SEMA3C: variants seen among roughly 807,000 people sequenced by gnomAD.
SEMA3C encodes the protein semaphorin-3C.
A neutral mutation model predicts 89.4 loss-of-function variants in SEMA3C; 47 were observed. The ratio of observed to expected loss-of-function variants is 0.53; its 90% confidence interval spans 0.42 to 0.67. SEMA3C has a LOEUF of 0.67. Among genes scored for constraint, SEMA3C ranks in the 30% least tolerant of loss-of-function variants. The pLI is 0.00. For synonymous variants in SEMA3C, 310 were observed against 320.2 expected (o/e 0.97, Z 0.34); for missense variants, 839 against 929.1 (o/e 0.90, Z 1.26).
At chr7:80,881,164 AACACACACACACACACACACACAC>A (rs71802410) in intron 2 of SEMA3C, among the ~76,000 whole-genome samples, 1 of 135,432 alleles carries the variant, frequency 7.4e-6, no homozygotes, top group Non-Finnish European at 1.6e-5. Flanking sequence ...TGGAGAAAGA[AACACACACACACACACACACACAC>A]ACACACACAC....
intron 2 of SEMA3C, among the ~76,000 whole-genome samples, chr7:80,879,322 G>A (rs2116089727): frequency 6.6e-6 from 1 of 152,288 alleles, no homozygotes; most frequent in Non-Finnish European, 1.5e-5. Context: ...ATAAGTGATG[G>A]AACAAAGTTC....
chr7:80,904,466 CAG>C (rs1397609476), intron 2 of SEMA3C, among the ~76,000 whole-genome samples: 41 of 152,300 alleles, frequency 2.7e-4, no homozygotes, highest in African/African-American at 8.9e-4. Context: ...ACATTCCACA[CAG>C]AGTAAGTGAA....
intron 2 of SEMA3C, among the ~76,000 whole-genome samples, chr7:80,890,644 T>C (rs1206318929): frequency 6.6e-6 from 1 of 152,136 alleles, no homozygotes; most frequent in African/African-American, 2.4e-5. Flanking sequence ...CATGATAAAC[T>C]ACAAAGTTCA....
At chr7:80,774,271 A>G (rs984216825) in intron 12 of SEMA3C, among the ~76,000 whole-genome samples, 1 of 152,206 alleles carries the variant, frequency 6.6e-6, no homozygotes, top group Non-Finnish European at 1.5e-5. Flanking sequence ...AGCCCAGGGC[A>G]TTATCCATAA....
At chr7:80,872,173 C>CA (rs1791074189) in intron 2 of SEMA3C, among the ~76,000 whole-genome samples, 1 of 152,068 alleles carries the variant, frequency 6.6e-6, no homozygotes, top group Admixed American at 6.6e-5. Flanking sequence ...TGTTTTCAGA[C>CA]AGAGTCTCGC....
At chr7:80,908,076 T>C (rs1178297080) in intron 2 of SEMA3C, among the ~76,000 whole-genome samples, 13 of 152,106 alleles carry the variant, frequency 8.5e-5, no homozygotes, top group Admixed American at 8.5e-4. Flanking sequence ...ACTAATTCCA[T>C]TAAACAAGAG....
chr7:80,795,308 G>T (rs1394335605), intron 11 of SEMA3C, among the ~76,000 whole-genome samples: 1 of 152,148 alleles, frequency 6.6e-6, no homozygotes, highest in Non-Finnish European at 1.5e-5. Context: ...AGGGAGGTAC[G>T]CTTTTCCAGG....
At chr7:80,757,005 T>C (rs1489164710) in intron 15 of SEMA3C, among the ~76,000 whole-genome samples, 2 of 152,232 alleles carry the variant, frequency 1.3e-5, no homozygotes, top group East Asian at 3.8e-4. Flanking sequence ...TTTTTTCCTG[T>C]TATATGCCTA....
chr7:80,748,612 C>A (rs1334580376), intron 17 of SEMA3C, among the ~76,000 whole-genome samples: 1 of 152,110 alleles, frequency 6.6e-6, no homozygotes, highest in African/African-American at 2.4e-5. Context: ...TTGCACACAT[C>A]TTGTTTCTTT....
intron 15 of SEMA3C, 93 bp downstream of exon 15, chr7:80,758,238 A>G (rs981913308): frequency 7.3e-7 from 1 of 1,361,974 alleles, no homozygotes; most frequent in Non-Finnish European, 1.0e-6. Flanking sequence ...TCATTTAAGG[A>G]AACAGCAATA....
chr7:80,919,271 G>T (rs1792358663), upstream of SEMA3C: 1 of 985,138 alleles, frequency 1.0e-6, no homozygotes, highest in East Asian at 1.1e-4. Context: ...CCGACCCTTA[G>T]AGCTCGCGGC....
intron 11 of SEMA3C, among the ~76,000 whole-genome samples, chr7:80,792,864 C>T (rs1205775732): frequency 1.3e-5 from 2 of 152,006 alleles, no homozygotes; most frequent in Non-Finnish European, 2.9e-5. Flanking sequence ...AATTGATTGC[C>T]CTTTGTAGAC....
intron 2 of SEMA3C, among the ~76,000 whole-genome samples, chr7:80,911,953 C>T (rs1331334699): frequency 2.0e-5 from 3 of 151,980 alleles, no homozygotes; most frequent in East Asian, 1.9e-4. Context: ...TTAATGGAAC[C>T]GCTGTGTTCG....
chr7:80,888,647 A>G lies in SEMA3C; in HGVS notation c.103+28032T>C, dbSNP rs114044927. ...TCTACTATCGTTCTCAAGTGTCTGA[A>G]TTTTCATTTATGTCATTACTTCTGT... On this transcript the variant is annotated intron_variant, in intron 2 of 17. Coordinates refer to ENST00000265361, the MANE Select transcript of SEMA3C (RefSeq NM_006379.5). Among the ~76,000 whole-genome samples, 511 of 152,144 alleles carry G rather than the reference A, an allele frequency of 3.4e-3. 2 individuals carry two copies. The highest frequency in any genetic ancestry group is 0.012 in the African/African-American group (487 of 41,512).
intron 5 of SEMA3C, among the ~76,000 whole-genome samples, chr7:80,811,046 T>C (rs1342190336): frequency 6.6e-6 from 1 of 152,182 alleles, no homozygotes; most frequent in Admixed American, 6.5e-5. Context: ...AAGAAAACTG[T>C]CCACAGAGGA....
rs1787736898 is a variant in SEMA3C, at chr7:80,743,864, A to G, written c.*1030T>C. The G allele has an allele frequency of 6.6e-6, 1 of 152,044 alleles. No homozygotes were observed. Among genetic ancestry groups the G allele is most frequent in the Non-Finnish European group, 1.5e-5 (1 of 67,912 alleles). The allele number at this position is 152,044 out of a possible 1,614,324, so 9.4% of individuals were successfully genotyped here. ...AATATATAGTGTTGACTTAAAAATC[A>G]GTATGATATCTGAGACTGGTTTTAA... On this transcript the variant is annotated 3_prime_UTR_variant, in exon 18 of 18. Coordinates refer to ENST00000265361, the MANE Select transcript of SEMA3C (RefSeq NM_006379.5).
chr7:80,761,730 C>G, intron 13 of SEMA3C, 73 bp from the exon 14 acceptor site: 1 of 806,438 alleles, frequency 1.2e-6, no homozygotes, highest in Non-Finnish European at 2.0e-6. Context: ...GATTTTTTTT[C>G]TATTAAATCT....
intron 12 of SEMA3C, among the ~76,000 whole-genome samples, chr7:80,787,981 C>CA (rs1788843035): frequency 6.6e-6 from 1 of 152,148 alleles, no homozygotes; most frequent in East Asian, 1.9e-4. Context: ...AGAAGATTCT[C>CA]AGTCTCAGAC....
At chr7:80,780,749 T>C (rs1788673445) in intron 12 of SEMA3C, among the ~76,000 whole-genome samples, 1 of 152,022 alleles carries the variant, frequency 6.6e-6, no homozygotes, top group Admixed American at 6.6e-5. Context: ...CCAGGCGCGG[T>C]GGTGTGCACC....
Sources: allele counts gnomAD v4.1 joint callset (sites outside exome capture counted in the v4.1 genomes callset), GRCh38; gene constraint gnomAD v4.1.1; transcripts MANE v1.5; gene names NCBI Gene and HGNC (gene_info 2026-07-23, HGNC 2026-07-21).